NTNG1: variants seen among roughly 807,000 people sequenced by gnomAD.
The protein encoded by NTNG1 is netrin G1.
A neutral mutation model predicts 54.0 loss-of-function variants in NTNG1; 16 were observed. The observed-to-expected ratio is 0.30, with a 90% confidence interval of 0.20 to 0.45. NTNG1 has a LOEUF of 0.45. Among genes scored for constraint, NTNG1 ranks in the 20% least tolerant of loss-of-function variants. NTNG1 has a pLI of 1.00. For synonymous variants in NTNG1, 255 were observed against 263.1 expected, an observed-to-expected ratio of 0.97 and a Z score of 0.30; for missense variants, 530 against 678.7, an observed-to-expected ratio of 0.78 and a Z score of 2.43.
At chr1:107,213,789 C>T (rs1425702839) in intron 2 of NTNG1, among the ~76,000 whole-genome samples, 3 of 151,870 alleles carry the variant, frequency 2.0e-5, no homozygotes, top group Admixed American at 6.6e-5. Context: ...AAAAAGAGTC[C>T]GCCTGTGATT....
intron 3 of NTNG1, among the ~76,000 whole-genome samples, chr1:107,338,266 C>T (rs772959371): frequency 1.3e-5 from 2 of 151,830 alleles, no homozygotes; most frequent in Non-Finnish European, 2.9e-5. Context: ...GTAGGTTTGC[C>T]CCTAACATTT....
intron 7 of NTNG1, among the ~76,000 whole-genome samples, chr1:107,437,957 G>A (rs1675711934): frequency 1.3e-5 from 2 of 152,008 alleles, no homozygotes; most frequent in South Asian, 4.1e-4. Context: ...CAGCATGCAG[G>A]AAACATCTAA....
chr1:107,308,603 T>C (rs1666823005), intron 2 of NTNG1, among the ~76,000 whole-genome samples: 1 of 152,140 alleles, frequency 6.6e-6, no homozygotes, highest in Non-Finnish European at 1.5e-5. Context: ...CCAGATTCGT[T>C]ATTTTTGCTT....
rs776369411 is a variant in NTNG1 at position 107,484,838 on chromosome 1, G to A, written c.*3998G>A. On this transcript the variant is annotated 3_prime_UTR_variant, in exon 8 of 8. Transcript: ENST00000370068. ...TGAAATGGGATGCTCTGTACTATATGGGAAATGGGTTGTTGTACTTTACCG... is the reference window on the plus strand; with the variant it reads ...TGAAATGGGATGCTCTGTACTATATAGGAAATGGGTTGTTGTACTTTACCG... 3.3e-5 allele frequency among the ~76,000 whole-genome samples: 5 copies of A among 152,186 alleles called. No homozygotes were observed. The highest frequency in any genetic ancestry group is 5.9e-5 in the Non-Finnish European group (4 of 68,038).
intron 2 of NTNG1, among the ~76,000 whole-genome samples, chr1:107,311,451 G>A (rs1667007044): frequency 6.6e-6 from 1 of 152,120 alleles, no homozygotes; most frequent in Non-Finnish European, 1.5e-5. Context: ...ATTTGTCTTT[G>A]TCCTCTAACC....
intron 3 of NTNG1, among the ~76,000 whole-genome samples, chr1:107,394,865 T>G (rs1403099982): frequency 2.0e-5 from 3 of 152,144 alleles, no homozygotes; most frequent in Non-Finnish European, 4.4e-5. Flanking sequence ...AACCCCTTGA[T>G]TTTGGAGCAC....
chr1:107,399,605 A>G (rs1030105089), intron 4 of NTNG1, among the ~76,000 whole-genome samples: 2 of 152,186 alleles, frequency 1.3e-5, no homozygotes, highest in Admixed American at 6.5e-5. Flanking sequence ...CTTTATATAC[A>G]TTAGTCCATT....
chr1:107,421,946 T>A (rs973024086), intron 5 of NTNG1, among the ~76,000 whole-genome samples: 7 of 152,106 alleles, frequency 4.6e-5, no homozygotes, highest in African/African-American at 1.2e-4. Flanking sequence ...AAATCTGAAC[T>A]TAGTTTGACC....
intron 2 of NTNG1, among the ~76,000 whole-genome samples, chr1:107,188,075 A>C (rs184106659): frequency 3.2e-4 from 48 of 152,094 alleles, no homozygotes; most frequent in African/African-American, 9.9e-4. Flanking sequence ...TTTTTTGACA[A>C]CTATGTGCCA....
Position 107,436,789 on chromosome 1 carries a change from C to T in NTNG1, c.1380C>T (p.Tyr460=), listed in dbSNP as rs767891254. Residue 460 remains tyrosine, a synonymous_variant, in exon 7 of 8, where the codon TAC becomes TAT. Transcript: ENST00000370068. ...DECLPGNSWH[Y]GCQPNVCDNE... is the part of the protein sequence containing the mutation. ...GTCTGCCGGGAAATTCCTGGCACTA[C>T]GGCTGTCAACGTAAGTAACTCTGGG... The T allele has an allele frequency of 2.0e-5, 32 of 1,613,004 alleles. No individual in the cohort carries two copies. The highest frequency in any genetic ancestry group is 3.3e-5 in the South Asian group (3 of 91,004).
chr1:107,286,128 C>G (rs1665184125), intron 2 of NTNG1, among the ~76,000 whole-genome samples: 1 of 151,974 alleles, frequency 6.6e-6, no homozygotes, highest in Admixed American at 6.6e-5. Flanking sequence ...ACTTCTATAT[C>G]AAATTCATCT....
intron 2 of NTNG1, among the ~76,000 whole-genome samples, chr1:107,232,503 G>C (rs1661138477): frequency 6.6e-6 from 1 of 152,162 alleles, no homozygotes; most frequent in South Asian, 2.1e-4. Flanking sequence ...AAATAGAGCA[G>C]TTCCTTTGAA....
intron 2 of NTNG1, among the ~76,000 whole-genome samples, chr1:107,207,170 C>A (rs938444763): frequency 1.3e-5 from 2 of 152,146 alleles, no homozygotes; most frequent in Admixed American, 6.6e-5. Flanking sequence ...TAAAGAAATT[C>A]TCTTCCCAGT....
intron 2 of NTNG1, among the ~76,000 whole-genome samples, chr1:107,159,123 CAGA>C (rs1337113189): frequency 7.9e-5 from 12 of 152,148 alleles, no homozygotes; most frequent in African/African-American, 2.2e-4. Flanking sequence ...GCATAACTTA[CAGA>C]AGAAGATGTG....
At chr1:107,461,144 A>G (rs1677258713) in intron 7 of NTNG1, among the ~76,000 whole-genome samples, 1 of 152,210 alleles carries the variant, frequency 6.6e-6, no homozygotes, top group African/African-American at 2.4e-5. Flanking sequence ...TGTTAAGAAG[A>G]CATACATAGA....
chr1:107,303,655 T>C (rs940849251), intron 2 of NTNG1, among the ~76,000 whole-genome samples: 1 of 152,200 alleles, frequency 6.6e-6, no homozygotes, highest in Non-Finnish European at 1.5e-5. Flanking sequence ...GCCTTCATTT[T>C]AACACTTCTC....
At chr1:107,294,696 C>A (rs569183600) in intron 2 of NTNG1, among the ~76,000 whole-genome samples, 1 of 152,200 alleles carries the variant, frequency 6.6e-6, no homozygotes, top group South Asian at 2.1e-4. Flanking sequence ...TGGTGAGATT[C>A]ATGTTTAAGA....
intron 3 of NTNG1, among the ~76,000 whole-genome samples, chr1:107,358,302 G>A (rs922177508): frequency 1.3e-5 from 2 of 151,642 alleles, no homozygotes; most frequent in Non-Finnish European, 1.5e-5. Context: ...TATTGAAGAA[G>A]ATGATACTCT....
intron 3 of NTNG1, among the ~76,000 whole-genome samples, chr1:107,391,836 C>T (rs1456363812): frequency 6.6e-6 from 1 of 152,126 alleles, no homozygotes. Context: ...CAATACCTCC[C>T]ATCAGGTCCC....
Sources: gnomAD v4.1 joint callset for allele counts (sites outside exome capture counted in the v4.1 genomes callset) on GRCh38, gnomAD v4.1.1 for gene constraint, MANE v1.5 for transcripts, NCBI Gene and HGNC (gene_info 2026-07-23, HGNC 2026-07-21) for gene names.